The following IL1RAP variants were observed in gnomAD, a reference collection of about 807,000 sequenced individuals.
IL1RAP encodes interleukin 1 receptor accessory protein.
IL1RAP carries 35 observed loss-of-function variants against 60.7 expected under a neutral mutation model. The ratio of observed to expected loss-of-function variants is 0.58; its 90% CI spans 0.44 to 0.76. IL1RAP has a LOEUF of 0.76. Ranked by LOEUF, IL1RAP falls within the 30% of genes least tolerant of loss-of-function variation. IL1RAP has a pLI of 0.00. For missense variants in IL1RAP, 572 were observed against 693.9 expected (o/e 0.82, Z 1.97); for synonymous variants, 268 against 250.9 (o/e 1.07, Z -0.64).
intron 3 of IL1RAP, among the ~76,000 whole-genome samples, chr3:190,578,900 G>A (rs901317999): frequency 1.2e-4 from 18 of 152,134 alleles, no homozygotes; most frequent in Non-Finnish European, 1.9e-4. Context: ...GGAAAAACCC[G>A]CACCTGTGAT....
chr3:190,627,299 T>G (rs575075011), intron 7 of IL1RAP, 24 bp from the exon 8 acceptor site: 366 of 1,486,822 alleles, frequency 2.5e-4, no homozygotes, highest in African/African-American at 1.1e-3. Flanking sequence ...TTGTTTTTTT[T>G]GTTTTTTTGG....
chr3:190,527,348 A>G (rs1163148733), intron 1 of IL1RAP, among the ~76,000 whole-genome samples: 3 of 152,252 alleles, frequency 2.0e-5, no homozygotes, highest in Non-Finnish European at 4.4e-5. Context: ...ACTAAAAAAT[A>G]AAAATAAAAA....
chr3:190,564,349 C>T lies in IL1RAP; in HGVS notation c.60C>T (p.Ala20=), dbSNP rs202132030. The part of the protein sequence containing the change: ...LYFYGILQSD[A]SERCDDWGLD... ...TTTATGGAATCCTGCAAAGTGATGC[C>T]TCAGGTAAGTGAATGGCTTTTGACA... Residue 20 remains alanine, a synonymous_variant, in exon 3 of 12, where the codon GCC becomes GCT. Coordinates refer to ENST00000447382, the MANE Select transcript of IL1RAP (RefSeq NM_002182.4). 1.9e-6 allele frequency: 3 copies of T among 1,606,660 alleles called. No individual in the cohort carries two copies. The highest frequency in any genetic ancestry group is 2.2e-5 in the East Asian group (1 of 44,830).
At chr3:190,559,457 G>T (rs1725701867) in intron 2 of IL1RAP, among the ~76,000 whole-genome samples, 1 of 151,978 alleles carries the variant, frequency 6.6e-6, no homozygotes, top group African/African-American at 2.4e-5. Context: ...GTTTCTTAAA[G>T]TGGAAGATTA....
intron 1 of IL1RAP, among the ~76,000 whole-genome samples, chr3:190,538,320 C>T (rs1330374820): frequency 6.6e-6 from 1 of 152,086 alleles, no homozygotes; most frequent in Non-Finnish European, 1.5e-5. Context: ...TCCATTTTAC[C>T]CAGTTTTCCA....
rs141885266 is a variant in IL1RAP, at chr3:190,545,411, C to T, written c.-88-10719C>T. ...AGACAATTACAGAAGCACTTACCAG[C>T]ATCTCTCATTGACTTCTTATTTAAA... is the stretch of plus-strand genomic sequence containing the variant. On this transcript the variant is annotated intron_variant, in intron 1 of 11. Transcript: ENST00000447382. Among the ~76,000 whole-genome samples the T allele has an allele frequency of 5.9e-5, 9 of 152,304 alleles. No homozygotes were observed. The Middle Eastern group carries it at 0.01, about 173-fold the overall frequency.
chr3:190,658,956 T>C (rs955357536), exon 12 of IL1RAP: 1 of 152,124 alleles, frequency 6.6e-6, no homozygotes, highest in African/African-American at 2.4e-5. Flanking sequence ...CTCTATTAAA[T>C]CCCTTCTTGT....
At chr3:190,634,778 C>A (rs1384799085) in intron 9 of IL1RAP, among the ~76,000 whole-genome samples, 1 of 145,188 alleles carries the variant, frequency 6.9e-6, no homozygotes, top group African/African-American at 2.6e-5. Context: ...TGCAGTGGCG[C>A]GATCTCGGCT....
chr3:190,592,412 A>C (rs1729021661), intron 3 of IL1RAP, among the ~76,000 whole-genome samples: 1 of 152,130 alleles, frequency 6.6e-6, no homozygotes, highest in Non-Finnish European at 1.5e-5. Flanking sequence ...GGCTGCTGGA[A>C]CCTTCTGGGA....
At chr3:190,525,205 GA>G (rs1203563136) in intron 1 of IL1RAP, among the ~76,000 whole-genome samples, 1 of 152,152 alleles carries the variant, frequency 6.6e-6, no homozygotes, top group Non-Finnish European at 1.5e-5. Flanking sequence ...TTCAGGACAA[GA>G]AATGAAAGGC....
chr3:190,593,082 T>A (rs1729083249), intron 3 of IL1RAP, among the ~76,000 whole-genome samples: 1 of 152,214 alleles, frequency 6.6e-6, no homozygotes, highest in African/African-American at 2.4e-5. Flanking sequence ...AACCCTTTTT[T>A]TTTTTGAATT....
downstream of IL1RAP, chr3:190,655,871 A>G (rs1390020379): frequency 1.3e-6 from 2 of 1,512,708 alleles, no homozygotes; most frequent in Non-Finnish European, 1.8e-6. Flanking sequence ...ATTGTCCTAT[A>G]TTTCCATTTT....
chr3:190,598,406 TA>T (rs1412014713), intron 3 of IL1RAP, among the ~76,000 whole-genome samples: 1 of 152,126 alleles, frequency 6.6e-6, no homozygotes, highest in African/African-American at 2.4e-5. Flanking sequence ...AAATAAAATA[TA>T]AAATCAAAAA....
At chr3:190,648,123 A>G (rs1734166784) in intron 11 of IL1RAP, among the ~76,000 whole-genome samples, 1 of 152,194 alleles carries the variant, frequency 6.6e-6, no homozygotes, top group African/African-American at 2.4e-5. Flanking sequence ...TTTTAGAAAT[A>G]TGTGTATATA....
intron 1 of IL1RAP, among the ~76,000 whole-genome samples, chr3:190,544,779 G>A (rs984570530): frequency 3.9e-5 from 6 of 152,192 alleles, no homozygotes; most frequent in East Asian, 1.9e-4. Context: ...TTCACAACAT[G>A]CATTAGCATC....
chr3:190,562,883 G>T (rs565921588), intron 2 of IL1RAP, among the ~76,000 whole-genome samples: 1 of 152,258 alleles, frequency 6.6e-6, no homozygotes, highest in African/African-American at 2.4e-5. Context: ...GGAAGGAAGA[G>T]GTGCTGGGAA....
chr3:190,609,296 TCCGTAATAGC>T, intron 5 of IL1RAP, 115 bp downstream of exon 5: 1 of 679,182 alleles, frequency 1.5e-6, no homozygotes, highest in African/African-American at 1.8e-5. Flanking sequence ...TCTGATCTAT[TCCGTAATAGC>T]TTTATGGAAG....
intron 3 of IL1RAP, among the ~76,000 whole-genome samples, chr3:190,572,745 C>T (rs1298682135): frequency 3.3e-5 from 5 of 151,442 alleles, no homozygotes; most frequent in Non-Finnish European, 7.4e-5. Context: ...TCCCTCCTTC[C>T]GAGTATATTA....
At chr3:190,555,068 G>C (rs1725285063) in intron 1 of IL1RAP, among the ~76,000 whole-genome samples, 1 of 152,146 alleles carries the variant, frequency 6.6e-6, no homozygotes, top group Non-Finnish European at 1.5e-5. Flanking sequence ...TTGAATTAGA[G>C]AGGTTATTAG....
Sources: gnomAD v4.1 joint callset for allele counts (sites outside exome capture counted in the v4.1 genomes callset) on GRCh38, gnomAD v4.1.1 for gene constraint, MANE v1.5 for transcripts, NCBI Gene and HGNC (gene_info 2026-07-23, HGNC 2026-07-21) for gene names.